Variants in ABCA4 observed in about 807,000 individuals in gnomAD.
ABCA4 encodes the protein retinal-specific phospholipid-transporting ATPase ABCA4.
ABCA4 carries 196 observed loss-of-function variants against 263.7 expected under a neutral mutation model. That is an observed-to-expected ratio of 0.74 (90% CI 0.66 to 0.84). ABCA4 has a LOEUF of 0.84. ABCA4 is among the 40% of genes least tolerant of loss of function. The probability of loss-of-function intolerance (pLI) is 0.00; values close to 1 mark genes in which losing one functional copy is unlikely to be tolerated. For missense variants in ABCA4, 2,792 were observed against 2,855.1 expected, an observed-to-expected ratio of 0.98 and a Z score of 0.50; for synonymous variants, 1,133 against 1,094.2, an observed-to-expected ratio of 1.04 and a Z score of -0.70.
chr1:94,047,860 C>G (rs1249308712), intron 18 of ABCA4, among the ~76,000 whole-genome samples: 5 of 152,222 alleles, frequency 3.3e-5, no homozygotes, highest in African/African-American at 1.2e-4. Flanking sequence ...TCCCTGACCT[C>G]CCATCTATCC....
At chr1:94,112,934 T>C (rs1313459046) in intron 2 of ABCA4, 39 bp downstream of exon 2, 5 of 1,535,526 alleles carry the variant, frequency 3.3e-6, no homozygotes, top group Non-Finnish European at 4.5e-6. Context: ...CAGACCAAAG[T>C]CTCTTCAGGG....
In ABCA4 at chr1:94,029,479, C is replaced by T; in HGVS notation, c.4505G>A (p.Cys1502Tyr). Residue 1502 changes from cysteine (C) to tyrosine (Y), a missense_variant, in exon 30 of 50, where the codon TGC becomes TAC. Physicochemically the swap from Cys to Tyr is radical, Grantham distance 194 (BLOSUM62 -2). Coordinates refer to ENST00000370225, the MANE Select transcript of ABCA4 (RefSeq NM_000350.3). ...TREKLTMLPE[C>Y]PEGAGGLPPP... Reference sequence around the variant, plus strand: ...CGGGAGGCCCCCGGCACCCTCGGGGCACTCTGGCAGCATGGTGAGCTTCTC... The same window carrying T: ...CGGGAGGCCCCCGGCACCCTCGGGGTACTCTGGCAGCATGGTGAGCTTCTC... 1 of 1,577,896 alleles carries T rather than the reference C, an allele frequency of 6.3e-7. No individual in the cohort carries two copies. Among genetic ancestry groups the T allele is most frequent in the Non-Finnish European group, 8.6e-7 (1 of 1,160,074 alleles).
intron 6 of ABCA4, among the ~76,000 whole-genome samples, chr1:94,093,078 C>T (rs1289848659): frequency 6.6e-6 from 1 of 152,122 alleles, no homozygotes; most frequent in African/African-American, 2.4e-5. Flanking sequence ...CTGTATGCCC[C>T]AGCAGCTGCC....
intron 17 of ABCA4, among the ~76,000 whole-genome samples, chr1:94,051,101 T>C (rs969139084): frequency 2.0e-5 from 3 of 152,102 alleles, no homozygotes; most frequent in African/African-American, 7.2e-5. Context: ...TCAGCCTTTT[T>C]CCCCACCCCT....
At chr1:94,019,035 T>G (rs886195053) in intron 36 of ABCA4, among the ~76,000 whole-genome samples, 1 of 147,286 alleles carries the variant, frequency 6.8e-6, no homozygotes, top group African/African-American at 2.5e-5. Flanking sequence ...TTTTTTTTTT[T>G]TTTTTTTTTT....
At chr1:94,096,511 A>G (rs1662127119) in intron 6 of ABCA4, among the ~76,000 whole-genome samples, 1 of 152,170 alleles carries the variant, frequency 6.6e-6, no homozygotes, top group Admixed American at 6.5e-5. Context: ...AAACCGAGAA[A>G]GCAAGCCCCC....
At chr1:94,078,506 T>C in intron 10 of ABCA4, 84 bp downstream of exon 10, 1 of 1,110,786 alleles carries the variant, frequency 9.0e-7, no homozygotes, top group Non-Finnish European at 1.4e-6. Context: ...ATTAACTCTT[T>C]CCTGGGAAAA....
chr1:94,024,803 T>G (rs2101027411), intron 31 of ABCA4, 151 bp downstream of exon 31: 1 of 655,658 alleles, frequency 1.5e-6, no homozygotes, highest in African/African-American at 1.8e-5. Context: ...CAATTGCTTT[T>G]TATGTTGAAT....
chr1:94,069,564 AG>A (rs1661354473), intron 11 of ABCA4, among the ~76,000 whole-genome samples: 1 of 152,242 alleles, frequency 6.6e-6, no homozygotes, highest in Non-Finnish European at 1.5e-5. Context: ...GGAGGGCTCA[AG>A]TGGCCCTGCT....
intron 28 of ABCA4, 39 bp from the exon 29 acceptor site, chr1:94,030,565 G>A (rs372244608): frequency 2.9e-5 from 46 of 1,581,060 alleles, no homozygotes; most frequent in Middle Eastern, 1.7e-4. Context: ...CAGAGCAGGC[G>A]CGTGCCAACA....
chr1:94,102,229 T>TG (rs1269340564), intron 5 of ABCA4, among the ~76,000 whole-genome samples: 1 of 152,086 alleles, frequency 6.6e-6, no homozygotes, highest in African/African-American at 2.4e-5. Context: ...TTAGATAAAT[T>TG]GGGGGCGTAT....
At chr1:94,116,968 CTCTT>C (rs57665252) in intron 1 of ABCA4, among the ~76,000 whole-genome samples, 6,708 of 99,880 alleles carry the variant, frequency 0.067, 210 homozygotes, top group Admixed American at 0.09. Flanking sequence ...TTCTTTCTTT[CTCTT>C]TCTTTCTTTC....
intron 15 of ABCA4, 52 bp from the exon 16 acceptor site, chr1:94,055,367 G>A: frequency 6.3e-7 from 1 of 1,576,548 alleles, no homozygotes; most frequent in Non-Finnish European, 8.7e-7. Flanking sequence ...TTTATCCAAT[G>A]CAACAGCACC....
chr1:94,090,829 G>A (rs1021862812), intron 6 of ABCA4, among the ~76,000 whole-genome samples: 9 of 152,200 alleles, frequency 5.9e-5, no homozygotes, highest in Non-Finnish European at 1.3e-4. Context: ...TAACAGAGTA[G>A]GAAAGAGACT....
At chr1:94,116,671 G>A (rs4147804) in intron 1 of ABCA4, among the ~76,000 whole-genome samples, 52,739 of 151,874 alleles carry the variant, frequency 0.35, 9,769 homozygotes, top group Admixed American at 0.42. Context: ...CTCTTCTGCC[G>A]GCTTCCAAAA....
chr1:94,040,739 C>CT (rs1660463850), intron 23 of ABCA4, among the ~76,000 whole-genome samples: 5 of 152,188 alleles, frequency 3.3e-5, no homozygotes, highest in Admixed American at 3.3e-4. Flanking sequence ...AAAACTGGGT[C>CT]TCCTGATGTG....
At chr1:94,029,797 T>G (rs1038283705) in intron 29 of ABCA4, among the ~76,000 whole-genome samples, 166 bp from the exon 30 acceptor site, 1 of 152,100 alleles carries the variant, frequency 6.6e-6, no homozygotes, top group Non-Finnish European at 1.5e-5. Flanking sequence ...AAAACTAGGG[T>G]TTTGTGACTG....
Position 94,040,716 on chromosome 1 carries a change from G to A in ABCA4, c.3522+493C>T, listed in dbSNP as rs139895163. Among the ~76,000 whole-genome samples, 16 of 152,308 alleles carry A rather than the reference G, an allele frequency of 1.1e-4. No individual in the cohort carries two copies. The East Asian group carries it at 1.7e-3, about 17-fold the overall frequency. On this transcript the variant is annotated intron_variant, in intron 23 of 49. Coordinates refer to ENST00000370225, the MANE Select transcript of ABCA4 (RefSeq NM_000350.3). ...TAGGATGACACAGTTTGTTCACTTC[G>A]CAGCACAGACATAAAACTGGGTCTC...
At chr1:94,097,252 C>T (rs904610453) in intron 6 of ABCA4, among the ~76,000 whole-genome samples, 4 of 152,240 alleles carry the variant, frequency 2.6e-5, no homozygotes, top group Middle Eastern at 3.4e-3. Flanking sequence ...CCCACCCTGA[C>T]GAGCTGGGAA....
Sources: allele counts gnomAD v4.1 joint callset (sites outside exome capture counted in the v4.1 genomes callset), GRCh38; gene constraint gnomAD v4.1.1; transcripts MANE v1.5; gene names NCBI Gene and HGNC (gene_info 2026-07-23, HGNC 2026-07-21).